Variants in RABGAP1L observed in about 807,000 individuals in gnomAD.
RABGAP1L encodes RAB GTPase activating protein 1 like.
In RABGAP1L, 63 loss-of-function variants were observed where a neutral mutation model predicts 137.7. That is an observed-to-expected ratio of 0.46 (90% confidence interval 0.37 to 0.56). The LOEUF is 0.56. Ranked by LOEUF, RABGAP1L falls within the 20% of genes least tolerant of loss-of-function variation. The pLI is 0.00. For synonymous variants in RABGAP1L, 431 were observed against 433.7 expected (o/e 0.99, Z 0.08); for missense variants, 1,095 against 1,244.0 (o/e 0.88, Z 1.80).
intron 14 of RABGAP1L, among the ~76,000 whole-genome samples, chr1:174,664,717 T>C (rs1676624141): frequency 6.8e-6 from 1 of 147,892 alleles, no homozygotes; most frequent in African/African-American, 2.6e-5. Context: ...CTCTCTTTCT[T>C]TCTTTCTTTC....
chr1:174,459,725 A>C (rs1023578560), intron 13 of RABGAP1L, among the ~76,000 whole-genome samples: 1 of 152,052 alleles, frequency 6.6e-6, no homozygotes, highest in African/African-American at 2.4e-5. Flanking sequence ...GGTTGGTTGA[A>C]TCGATGGATG....
At chr1:174,602,626 G>T (rs1670499578) in intron 13 of RABGAP1L, among the ~76,000 whole-genome samples, 1 of 151,984 alleles carries the variant, frequency 6.6e-6, no homozygotes, top group African/African-American at 2.4e-5. Context: ...ATGCTCCATT[G>T]TTTTTTATTA....
At chr1:174,195,770 TCTTTC>T (rs1667613362) in intron 1 of RABGAP1L, among the ~76,000 whole-genome samples, 1 of 134,986 alleles carries the variant, frequency 7.4e-6, no homozygotes, top group South Asian at 2.4e-4. Context: ...TCTCTTTCTC[TCTTTC>T]CTTTCTTTCT....
intron 19 of RABGAP1L, among the ~76,000 whole-genome samples, chr1:174,848,588 C>CA (rs946000368): frequency 5.4e-5 from 8 of 147,202 alleles, no homozygotes; most frequent in Non-Finnish European, 1.1e-4. Flanking sequence ...TGCCCGTTCT[C>CA]AGATCTCCAG....
chr1:174,293,854 A>G (rs1200138208), intron 10 of RABGAP1L, among the ~76,000 whole-genome samples: 1 of 152,150 alleles, frequency 6.6e-6, no homozygotes, highest in African/African-American at 2.4e-5. Context: ...AGTATTATCT[A>G]TTCTCTGTTC....
chr1:174,389,606 T>C (rs529251082), intron 12 of RABGAP1L, among the ~76,000 whole-genome samples: 1 of 152,308 alleles, frequency 6.6e-6, no homozygotes, highest in East Asian at 1.9e-4. Context: ...TTTTTGATCC[T>C]ATTAAATTCA....
intron 19 of RABGAP1L, chr1:174,897,406 G>T (rs928301307): frequency 6.6e-6 from 1 of 152,114 alleles, no homozygotes; most frequent in African/African-American, 2.4e-5. Context: ...TGTGAAAATC[G>T]TATGAAATCA....
At position 174,542,177 on chromosome 1, in the gene RABGAP1L, C is replaced by A. The variant is rs566834503; in HGVS notation, c.1711-95198C>A. ...AGTTTCAGAAGGAATGGTACCAGTT[C>A]CTCCTTGTACCTCTGGTAGAATTCA... On this transcript the variant is annotated intron_variant, in intron 13 of 25. Transcript: ENST00000681986. Among the ~76,000 whole-genome samples, 218 of 152,244 alleles carry A rather than the reference C, an allele frequency of 1.4e-3. 1 individual carries two copies. Among genetic ancestry groups the A allele is most frequent in the African/African-American group, 5.1e-3 (211 of 41,522 alleles).
intron 13 of RABGAP1L, among the ~76,000 whole-genome samples, chr1:174,502,404 C>T (rs145311663): frequency 1.2e-3 from 177 of 151,574 alleles, no homozygotes; most frequent in African/African-American, 4.1e-3. Context: ...CTTCTGATCA[C>T]ATTTTTAGTT....
chr1:174,584,335 A>G (rs1246497779), intron 13 of RABGAP1L, among the ~76,000 whole-genome samples: 3 of 152,232 alleles, frequency 2.0e-5, no homozygotes, highest in Non-Finnish European at 2.9e-5. Flanking sequence ...GTTTAAGACC[A>G]TGCCCCTGTT....
chr1:174,423,717 C>T (rs917371778), intron 13 of RABGAP1L, among the ~76,000 whole-genome samples: 2 of 152,024 alleles, frequency 1.3e-5, no homozygotes, highest in African/African-American at 4.8e-5. Context: ...TTCGCTTTCT[C>T]CCTCCCTTTT....
chr1:174,424,244 T>C (rs187483513), intron 13 of RABGAP1L, among the ~76,000 whole-genome samples: 34 of 152,246 alleles, frequency 2.2e-4, no homozygotes, highest in African/African-American at 7.7e-4. Flanking sequence ...TAAGATGTAC[T>C]GTGGTATGAC....
rs756971614 is a variant in RABGAP1L, at chr1:174,448,900, C to T, written c.1710+54755C>T. 4 of 1,613,116 alleles carry T rather than the reference C, an allele frequency of 2.5e-6. No homozygotes were observed. The highest frequency in any genetic ancestry group is 1.7e-5 in the Admixed American group (1 of 59,992). ...CTGGACACAGCCCTGACCGTCGCTA[C>T]GCCATGGTTTTGTTTAGGATAACCA... is the stretch of plus-strand genomic sequence containing the variant. On this transcript the variant is annotated intron_variant, in intron 13 of 25. Transcript: ENST00000681986. The surrounding 1 kb of genome is among the most constrained non-coding windows in gnomAD (Gnocchi z 4.2).
chr1:174,348,458 TTTTTTTAATTTA>T (rs1201867728), intron 11 of RABGAP1L, among the ~76,000 whole-genome samples: 1 of 149,574 alleles, frequency 6.7e-6, no homozygotes, highest in Non-Finnish European at 1.5e-5. Flanking sequence ...ATTTATTTAT[TTTTTTTAATTTA>T]TTTTTTTATT....
At chr1:174,283,664 G>T (rs767482188) in intron 10 of RABGAP1L, among the ~76,000 whole-genome samples, 2 of 151,928 alleles carry the variant, frequency 1.3e-5, no homozygotes, top group African/African-American at 4.8e-5. Flanking sequence ...CCACCACCAC[G>T]CCTGTCTAAT....
At chr1:174,931,988 TG>T (rs1161368826) in intron 19 of RABGAP1L, among the ~76,000 whole-genome samples, 3,018 of 129,338 alleles carry the variant, frequency 0.023, 83 homozygotes, top group South Asian at 0.036. Flanking sequence ...ACTGCTTTTT[TG>T]GTTTTTTTTT....
rs59243192 is a variant in RABGAP1L at position 174,662,121 on chromosome 1, T to TTTTTTTG, written c.1825-21401_1825-21400insTTTTTTG. Among the ~76,000 whole-genome samples the TTTTTTTG allele has an allele frequency of 2.5e-3, 340 of 135,042 alleles. 5 individuals are homozygous for TTTTTTTG. The highest frequency in any genetic ancestry group is 6.9e-3 in the African/African-American group (229 of 33,284). 88.6% of individuals were successfully genotyped at this position (135,042 alleles called of 152,430 possible). ...TCTTTTCTTTTTTTTTTTTTTTTTT[T>TTTTTTTG]GAGTTGGAGTCTGGCTCTGTCGCCC... On this transcript the variant is annotated intron_variant, in intron 14 of 25. Coordinates refer to ENST00000681986, the MANE Select transcript of RABGAP1L (RefSeq NM_001366446.1).
Position 174,175,366 on chromosome 1 carries a change from T to C in RABGAP1L, c.-34+15709T>C, listed in dbSNP as rs574204656. Among the ~76,000 whole-genome samples the C allele has an allele frequency of 1.2e-4, 18 of 152,350 alleles. No individual in the cohort carries two copies. The East Asian group carries it at 3.3e-3, about 28-fold the overall frequency. On this transcript the variant is annotated intron_variant, in intron 1 of 25. Transcript: ENST00000681986. ...CATCTTAAAAAGCCTTTCTTGAGACTGTGGTCTCTGTTAGAAATCTCTCAT... is the reference window on the plus strand; with the variant it reads ...CATCTTAAAAAGCCTTTCTTGAGACCGTGGTCTCTGTTAGAAATCTCTCAT...
chr1:174,270,944 A>T (rs896956128), intron 7 of RABGAP1L, among the ~76,000 whole-genome samples: 4 of 152,320 alleles, frequency 2.6e-5, no homozygotes, highest in Non-Finnish European at 5.9e-5. Context: ...TTTCTAAAAA[A>T]GAATTAAATC....
Sources: gnomAD v4.1 joint callset for allele counts (sites outside exome capture counted in the v4.1 genomes callset) on GRCh38, gnomAD v4.1.1 for gene constraint, Gnocchi (gnomAD v3.1) non-coding constraint, MANE v1.5 for transcripts, NCBI Gene and HGNC (gene_info 2026-07-23, HGNC 2026-07-21) for gene names.